The following PTPRU variants were observed in gnomAD, a reference collection of about 807,000 sequenced individuals.
PTPRU encodes protein tyrosine phosphatase receptor type U, also known as receptor-type tyrosine-protein phosphatase U.
A neutral mutation model predicts 166.3 loss-of-function variants in PTPRU; 69 were observed. The observed-to-expected ratio is 0.41, with a 90% confidence interval of 0.34 to 0.51. The LOEUF (loss-of-function observed/expected upper bound fraction) is 0.51, where lower values mean the gene tolerates loss of function less well. Ranked by LOEUF, PTPRU falls within the 20% of genes least tolerant of loss-of-function variation. The pLI is 0.09. For missense variants in PTPRU, 1,657 were observed against 2,013.7 expected (o/e 0.82, Z 3.39); for synonymous variants, 793 against 814.0 (o/e 0.97, Z 0.44).
In PTPRU at chr1:29,280,450, TG is replaced by T. The variant is rs1686011687; in HGVS notation, c.1868+314del. Among the ~76,000 whole-genome samples, 2 of 152,178 alleles carry T rather than the reference TG, an allele frequency of 1.3e-5. No individual in the cohort carries two copies. Among genetic ancestry groups the T allele is most frequent in the South Asian group, 4.1e-4 (2 of 4,834 alleles). On this transcript the variant is annotated intron_variant, in intron 11 of 29. Transcript: ENST00000373779. The surrounding 1 kb of genome is among the most constrained non-coding windows in gnomAD (Gnocchi z 4.2). ...CAGACACCTTGGAGAAGTGAAACTC[TG>T]GGGGCCTTATATCATCCCAGCCTTT...
chr1:29,320,462 T>TG lies in PTPRU; in HGVS notation c.3688-217dup, dbSNP rs1402512139. ...TTTGGAAACTTTTGCTGTTTAGTTC[T>TG]GGGGGGTCATGGGCTTGGTCCCCAG... On this transcript the variant is annotated intron_variant, in intron 25 of 29. Coordinates refer to ENST00000373779, the MANE Select transcript of PTPRU (RefSeq NM_133178.4). The surrounding 1 kb of genome is among the most constrained non-coding windows in gnomAD (Gnocchi z 5.2). 3 of 421,182 alleles carry TG rather than the reference T, an allele frequency of 7.1e-6. No homozygotes were observed. The highest frequency in any genetic ancestry group is 4.1e-6 in the Non-Finnish European group (1 of 243,208). The allele number at this position is 421,182 out of a possible 1,614,324, so 26.1% of individuals were successfully genotyped here.
At chr1:29,292,479 A>G (rs984980229) in intron 15 of PTPRU, among the ~76,000 whole-genome samples, 1 of 152,172 alleles carries the variant, frequency 6.6e-6, no homozygotes, top group Non-Finnish European at 1.5e-5. Flanking sequence ...TAAAATGGGA[A>G]TGCAGATTGC....
chr1:29,323,852 C>G lies in PTPRU; in HGVS notation c.4112+64C>G, dbSNP rs377511573. Reference sequence around the variant, plus strand: ...GGGGAGCCAGGGGCAGAGGTCCAGTCTGAAAGGGTGCCAGCTTTGGCTGGA... The same window carrying G: ...GGGGAGCCAGGGGCAGAGGTCCAGTGTGAAAGGGTGCCAGCTTTGGCTGGA... On this transcript the variant is annotated intron_variant, in intron 28 of 29. Coordinates refer to ENST00000373779, the MANE Select transcript of PTPRU (RefSeq NM_133178.4). The G allele has an allele frequency of 5.1e-6, 8 of 1,568,942 alleles. No individual in the cohort carries two copies. The African/African-American group carries it at 1.1e-4, about 21-fold the overall frequency.
chr1:29,308,750 G>A (rs1687517340), intron 18 of PTPRU, among the ~76,000 whole-genome samples: 1 of 152,034 alleles, frequency 6.6e-6, no homozygotes, highest in Non-Finnish European at 1.5e-5. Flanking sequence ...TTGGCTGGGT[G>A]CAGTGGCTCA....
In PTPRU at chr1:29,304,076, C is replaced by A. The variant is rs575894076; in HGVS notation, c.2667+31C>A. ...CGCCGGCCCCGGGCCAGCAGGATCC[C>A]TGCAGAGGCCTCACCTGGCTCTTAC... On this transcript the variant is annotated intron_variant, in intron 16 of 29. Transcript: ENST00000373779. 4.1e-5 allele frequency: 65 copies of A among 1,584,362 alleles called. 1 individual carries two copies. In the South Asian group the frequency reaches 7.1e-4, roughly 17 times the overall value.
chr1:29,288,434 A>G (rs1427829494), intron 14 of PTPRU, among the ~76,000 whole-genome samples: 1 of 152,170 alleles, frequency 6.6e-6, no homozygotes. Flanking sequence ...CACTCGTGGG[A>G]GAGTGGTCCG....
intron 1 of PTPRU, among the ~76,000 whole-genome samples, chr1:29,251,112 G>C (rs1684523249): frequency 6.6e-6 from 1 of 152,222 alleles, no homozygotes; most frequent in South Asian, 2.1e-4. Context: ...AACAAGCTGG[G>C]TATGGTGGCA....
intron 11 of PTPRU, among the ~76,000 whole-genome samples, chr1:29,281,681 G>T (rs1006405084): frequency 1.6e-4 from 24 of 152,190 alleles, no homozygotes; most frequent in African/African-American, 5.3e-4. Context: ...GGCTGAAAGG[G>T]GCTTGGACTG....
In PTPRU at chr1:29,291,486, C is replaced by G. The variant is rs1686630305; in HGVS notation, c.2319-383C>G. Among the ~76,000 whole-genome samples, 1 of 152,000 alleles carries G rather than the reference C, an allele frequency of 6.6e-6. No homozygotes were observed. Among genetic ancestry groups the G allele is most frequent in the Admixed American group, 6.6e-5 (1 of 15,258 alleles). ...GCCTGGAGCTGGGCCAGCCATTTTCCTAGTTTGGGGTGCAGTGGGGGTGAG... is the reference window on the plus strand; with the variant it reads ...GCCTGGAGCTGGGCCAGCCATTTTCGTAGTTTGGGGTGCAGTGGGGGTGAG... On this transcript the variant is annotated intron_variant, in intron 14 of 29. Coordinates refer to ENST00000373779, the MANE Select transcript of PTPRU (RefSeq NM_133178.4). The surrounding 1 kb of genome is among the most constrained non-coding windows in gnomAD (Gnocchi z 4.1).
rs575933928 is a variant in PTPRU, at chr1:29,247,908, G to T, written c.74-7367G>T. Reference sequence around the variant, plus strand: ...CAACTTTCCCTGTGGCCCAGCCCTGGGCGATCTTTCTGGTTGCAGCTATGG... The same window carrying T: ...CAACTTTCCCTGTGGCCCAGCCCTGTGCGATCTTTCTGGTTGCAGCTATGG... On this transcript the variant is annotated intron_variant, in intron 1 of 29. Transcript: ENST00000373779. 2.0e-5 allele frequency among the ~76,000 whole-genome samples: 3 copies of T among 152,308 alleles called. No individual in the cohort carries two copies. The South Asian group carries it at 6.2e-4, about 32-fold the overall frequency.
At chr1:29,243,785 C>T (rs759705253) in intron 1 of PTPRU, among the ~76,000 whole-genome samples, 2 of 152,170 alleles carry the variant, frequency 1.3e-5, no homozygotes, top group Non-Finnish European at 2.9e-5. Context: ...GGCTGCATCT[C>T]GATGCCTCTG....
intron 26 of PTPRU, among the ~76,000 whole-genome samples, chr1:29,322,050 G>A (rs1688184107): frequency 6.6e-6 from 1 of 152,212 alleles, no homozygotes; most frequent in Admixed American, 6.5e-5. Context: ...CTTCTTAATG[G>A]CCTCCTTGAG....
intron 1 of PTPRU, among the ~76,000 whole-genome samples, chr1:29,248,279 A>G (rs1001415786): frequency 2.0e-5 from 3 of 152,072 alleles, no homozygotes; most frequent in African/African-American, 7.2e-5. Context: ...CAGGCCTGAG[A>G]TGGAGCTGTA....
intron 13 of PTPRU, 111 bp from the exon 14 acceptor site, chr1:29,284,620 T>C (rs1171922955): frequency 2.8e-6 from 4 of 1,453,686 alleles, no homozygotes; most frequent in South Asian, 1.2e-5. Flanking sequence ...ACATTGAGGA[T>C]GTAGGGCGGT....
rs989135088 is a variant in PTPRU at position 29,260,729 on chromosome 1, T to A, written c.970T>A (p.Tyr324Asn). Residue 324 changes from tyrosine (Y) to asparagine (N), a missense_variant, in exon 7 of 30, where the codon TAC becomes AAC. Physicochemically the swap from Tyr to Asn is moderately radical, Grantham distance 143. This residue lies in a region of PTPRU where 453 missense variants were observed against 496.9 expected (regional missense o/e 0.91). Transcript: ENST00000373779. This position sits in a 1 kb window ranked among gnomAD's most constrained non-coding sequence, Gnocchi z 8.3. ...DGPIVRKEIE[Y>N]RMARGPWAEV... ...GCCGATCGTGCGCAAGGAGATTGAG[T>A]ACCGCATGGCGCGCGGGCCCTGGGC... The A allele has an allele frequency of 1.2e-6, 2 of 1,609,220 alleles. No homozygotes were observed. The highest frequency in any genetic ancestry group is 1.7e-5 in the Admixed American group (1 of 59,242).
chr1:29,305,396 A>G lies in PTPRU; in HGVS notation c.2788A>G (p.Asn930Asp), dbSNP rs771478825. 148 of 1,613,898 alleles carry G rather than the reference A, an allele frequency of 9.2e-5. No homozygotes were observed. The highest frequency in any genetic ancestry group is 1.2e-4 in the Non-Finnish European group (145 of 1,180,030). The change falls in exon 18 of 30, where the codon AAT becomes GAT. Residue 930 changes from asparagine (N) to aspartate (D), a missense_variant. Transcript: ENST00000373779. ...ACTGCACCCGATGCTGGGAGACCCC[A>G]ATGCCGACTACATTAATGCCAACTA... ...VKLHPMLGDP[N>D]ADYINANYID...
chr1:29,312,655 G>C lies in PTPRU; in HGVS notation c.3176G>C (p.Arg1059Pro). The C allele has an allele frequency of 1.2e-6, 2 of 1,611,682 alleles. No homozygotes were observed. Among genetic ancestry groups the C allele is most frequent in the Non-Finnish European group, 1.7e-6 (2 of 1,178,362 alleles). ...HATGLLAFIR[R>P]VKASTPPDAG... ...ACGGGGCTGCTGGCTTTCATCCGGCGCGTGAAGGCCTCCACCCCACCTGAT... is the reference window on the plus strand; with the variant it reads ...ACGGGGCTGCTGGCTTTCATCCGGCCCGTGAAGGCCTCCACCCCACCTGAT... Residue 1059 changes from arginine to proline, a missense_variant, in exon 22 of 30, where the codon CGC (arginine) becomes CCC (proline). Around this residue, in one of 3 missense-constraint regions of PTPRU, gnomAD observed 1,190 missense variants for 1,477.4 expected, o/e 0.81. Coordinates refer to ENST00000373779, the MANE Select transcript of PTPRU (RefSeq NM_133178.4).
intron 15 of PTPRU, among the ~76,000 whole-genome samples, chr1:29,298,297 G>A (rs568271184): frequency 2.0e-5 from 3 of 150,818 alleles, no homozygotes; most frequent in Admixed American, 6.6e-5. Context: ...AAACCAAAAC[G>A]TGTCCAGGAG....
chr1:29,299,650 A>G (rs985009083), intron 15 of PTPRU, among the ~76,000 whole-genome samples: 1 of 152,140 alleles, frequency 6.6e-6, no homozygotes, highest in African/African-American at 2.4e-5. Flanking sequence ...CAGGGCTGCC[A>G]GCCTTTCAGG....
Sources: allele counts gnomAD v4.1 joint callset (sites outside exome capture counted in the v4.1 genomes callset), GRCh38; gene constraint gnomAD v4.1.1; regional missense constraint gnomAD v4.1.1; non-coding constraint Gnocchi (gnomAD v3.1); transcripts MANE v1.5; gene names NCBI Gene and HGNC (gene_info 2026-07-23, HGNC 2026-07-21).